Variants in CCDC33 observed in about 807,000 individuals in gnomAD.
The protein encoded by CCDC33 is coiled-coil domain containing 33.
Under a neutral mutation model 91.9 loss-of-function variants are expected in CCDC33, and 94 were observed. That is an observed-to-expected ratio of 1.02 (90% CI 0.87 to 1.21). The LOEUF (loss-of-function observed/expected upper bound fraction) is 1.21. Ranked by LOEUF, CCDC33 falls within the 50% of genes most tolerant of loss-of-function variation. The pLI is 0.00. For missense variants in CCDC33, 940 were observed against 935.5 expected (o/e 1.00, Z -0.06); for synonymous variants, 396 against 374.5 (o/e 1.06, Z -0.66).
intron 18 of CCDC33, 194 bp from the exon 19 acceptor site, chr15:74,335,731 T>C: frequency 1.8e-6 from 1 of 563,200 alleles, no homozygotes; most frequent in Non-Finnish European, 3.2e-6. Context: ...CTTTGCACAC[T>C]CACCTGAGCC....
At chr15:74,321,935 T>G in intron 11 of CCDC33, among the ~76,000 whole-genome samples, 1 of 151,002 alleles carries the variant, frequency 6.6e-6, no homozygotes, top group African/African-American at 2.4e-5. Context: ...AGATGAGGAG[T>G]GCCAGGCTGG....
At chr15:74,323,749 A>G (rs1165279964) in intron 11 of CCDC33, among the ~76,000 whole-genome samples, 3 of 151,746 alleles carry the variant, frequency 2.0e-5, no homozygotes, top group Non-Finnish European at 4.4e-5. Context: ...GGCTGGTCTC[A>G]AGCTTCTGAC....
At chr15:74,245,709 G>A (rs1345518660) in intron 2 of CCDC33, among the ~76,000 whole-genome samples, 1 of 150,910 alleles carries the variant, frequency 6.6e-6, no homozygotes, top group African/African-American at 2.4e-5. Context: ...GGCACACCCC[G>A]AGTCCTCCTG....
At chr15:74,205,315 A>G (rs925182486) in intron 1 of CCDC33, among the ~76,000 whole-genome samples, 14 of 152,216 alleles carry the variant, frequency 9.2e-5, no homozygotes, top group Non-Finnish European at 1.6e-4. Context: ...ACAGTTCTGC[A>G]GGCTGTGCAG....
chr15:74,267,287 C>T (rs1053475604), intron 4 of CCDC33, among the ~76,000 whole-genome samples: 1 of 152,236 alleles, frequency 6.6e-6, no homozygotes, highest in African/African-American at 2.4e-5. Context: ...CCAAGTCATG[C>T]TGTCTCCCAA....
At chr15:74,295,635 C>T in intron 10 of CCDC33, 119 bp from the exon 11 acceptor site, 1 of 814,198 alleles carries the variant, frequency 1.2e-6, no homozygotes, top group Non-Finnish European at 1.9e-6. Context: ...CACGGGCCAG[C>T]CATGCAGGGC....
chr15:74,272,663 C>T, intron 6 of CCDC33, 108 bp from the exon 7 acceptor site: 1 of 1,463,022 alleles, frequency 6.8e-7, no homozygotes, highest in South Asian at 1.3e-5. Context: ...GGCGGGATCC[C>T]TGCAACTCCC....
intron 11 of CCDC33, chr15:74,303,062 C>T (rs545523318): frequency 1.2e-3 from 190 of 152,406 alleles, no homozygotes; most frequent in Non-Finnish European, 2.2e-3. Context: ...CAGTCAGACC[C>T]GGCCTCCACT....
At chr15:74,280,511 A>G (rs3743217) in intron 8 of CCDC33, among the ~76,000 whole-genome samples, 157 bp from the exon 9 acceptor site, 11,479 of 152,270 alleles carry the variant, frequency 0.075, 560 homozygotes, top group Middle Eastern at 0.16. Flanking sequence ...CTTTGAGTTC[A>G]CAAAGCCCTG....
At position 74,335,972 on chromosome 15, in the gene CCDC33, G is replaced by C; in HGVS notation, c.2187G>C (p.Glu729Asp). 3 of 1,613,898 alleles carry C rather than the reference G, an allele frequency of 1.9e-6. No individual in the cohort carries two copies. The highest frequency in any genetic ancestry group is 2.5e-6 in the Non-Finnish European group (3 of 1,179,986). Residue 729 changes from glutamate (E) to aspartate (D), a missense_variant, in exon 19 of 19, where the codon GAG becomes GAC. Transcript: ENST00000398814. ...SMDLKQPSELEPLLPSSDSKL... is the reference protein window; with the variant it reads ...SMDLKQPSELDPLLPSSDSKL... ...ACCTCAAGCAGCCCTCAGAGCTGGAGCCCCTGCTGCCCAGCTCAGACTCTA... is the reference window on the plus strand; with the variant it reads ...ACCTCAAGCAGCCCTCAGAGCTGGACCCCCTGCTGCCCAGCTCAGACTCTA...
At position 74,264,906 on chromosome 15, in the gene CCDC33, A is replaced by G. The variant is rs144451013; in HGVS notation, c.320-1772A>G. Among the ~76,000 whole-genome samples, 160 of 152,326 alleles carry G rather than the reference A, an allele frequency of 1.1e-3. No individual in the cohort carries two copies. The East Asian group carries it at 0.028, about 27-fold the overall frequency. ...GCTAACAGTCACAGAGCAAGTTAGT[A>G]TTCTGGTACTAGAACCCAGGTCTGC... On this transcript the variant is annotated intron_variant, in intron 3 of 18. Transcript: ENST00000398814.
intron 1 of CCDC33, among the ~76,000 whole-genome samples, chr15:74,203,677 G>C (rs1426253465): frequency 1.3e-5 from 2 of 152,214 alleles, no homozygotes; most frequent in African/African-American, 4.8e-5. Context: ...TGAGCCCTGA[G>C]GCAGGAGAGA....
intron 11 of CCDC33, among the ~76,000 whole-genome samples, chr15:74,322,720 C>T (rs189358914): frequency 1.9e-3 from 283 of 152,330 alleles, no homozygotes; most frequent in African/African-American, 6.4e-3. Context: ...TTGGCCTCAT[C>T]CCACCACAGG....
Position 74,268,402 on chromosome 15 carries a change from G to C in CCDC33, c.490G>C (p.Val164Leu). 13 of 1,588,642 alleles carry C rather than the reference G, an allele frequency of 8.2e-6. No individual in the cohort carries two copies. Among genetic ancestry groups the C allele is most frequent in the Non-Finnish European group, 1.1e-5 (13 of 1,167,248 alleles). Residue 164 changes from valine (V) to leucine (L), a missense_variant, in exon 5 of 19, where the codon GTT (valine) becomes CTT (leucine). Coordinates refer to ENST00000398814, the MANE Select transcript of CCDC33 (RefSeq NM_025055.5). ...TAKTQLYATV[V>L]RKSSFIPRYI... ...CAAGACCCAGTTGTACGCAACAGTC[G>C]TTCGGAAGAGCAGCTTCATACCCCG... is the stretch of plus-strand genomic sequence containing the variant.
chr15:74,333,867 T>C lies in CCDC33; in HGVS notation c.1939-14T>C. 1 of 1,610,394 alleles carries C rather than the reference T, an allele frequency of 6.2e-7. No individual in the cohort carries two copies. The highest frequency in any genetic ancestry group is 8.5e-7 in the Non-Finnish European group (1 of 1,177,160). On this transcript the variant is annotated splice_polypyrimidine_tract_variant and intron_variant, in intron 16 of 18. Coordinates refer to ENST00000398814, the MANE Select transcript of CCDC33 (RefSeq NM_025055.5). ...CCAGCTGGGGCCAAATGTGAGTTTGTGCTTTGCCCACAGGATCTCCTCTCT... is the reference window on the plus strand; with the variant it reads ...CCAGCTGGGGCCAAATGTGAGTTTGCGCTTTGCCCACAGGATCTCCTCTCT...
At chr15:74,328,898 C>T (rs1471164520) in intron 11 of CCDC33, among the ~76,000 whole-genome samples, 1 of 152,198 alleles carries the variant, frequency 6.6e-6, no homozygotes, top group Non-Finnish European at 1.5e-5. Context: ...AGCCCACAGC[C>T]ACAGGGGCTC....
intron 6 of CCDC33, 147 bp from the exon 7 acceptor site, chr15:74,272,624 C>T (rs2076348439): frequency 1.0e-6 from 1 of 960,214 alleles, no homozygotes; most frequent in Admixed American, 2.5e-5. Context: ...CAGTGGTCCC[C>T]ACTTGTCGTG....
chr15:74,294,655 G>A (rs1252507951), intron 10 of CCDC33, among the ~76,000 whole-genome samples: 3 of 150,998 alleles, frequency 2.0e-5, no homozygotes, highest in South Asian at 2.1e-4. Flanking sequence ...GCTAAGGCAG[G>A]AGAATTACTT....
rs117429899 is a variant in CCDC33, at chr15:74,295,891, G to A, written c.1233G>A (p.Thr411=). 1,339 of 1,614,094 alleles carry A rather than the reference G, an allele frequency of 8.3e-4. 2 individuals are homozygous for A. Among genetic ancestry groups the A allele is most frequent in the African/African-American group, 4.0e-3 (298 of 75,048 alleles). Residue 411 remains threonine, a synonymous_variant, in exon 11 of 19, where the codon ACG becomes ACA. Transcript: ENST00000398814. The stretch of plus-strand genomic sequence containing the variant: ...TGAGCTCCACAATGGACTTGAGCAC[G>A]TCCACTCCACGAGAAGCAGAGGAGG... ...DTVSSTMDLS[T]STPREAEEEP...
Sources: allele counts gnomAD v4.1 joint callset (sites outside exome capture counted in the v4.1 genomes callset), GRCh38; gene constraint gnomAD v4.1.1; transcripts MANE v1.5; gene names NCBI Gene and HGNC (gene_info 2026-07-23, HGNC 2026-07-21).